CFAP299: variants seen among roughly 807,000 people sequenced by gnomAD.
CFAP299 encodes the protein cilia and flagella associated protein 299.
A neutral mutation model predicts 27.0 loss-of-function variants in CFAP299; 21 were observed. The observed-to-expected ratio is 0.78, with a 90% CI of 0.55 to 1.12. The LOEUF is 1.12. Ranked by LOEUF, CFAP299 falls within the 50% of genes most tolerant of loss-of-function variation. CFAP299 has a pLI of 0.00. For synonymous variants in CFAP299, 104 were observed against 98.1 expected (o/e 1.06, Z -0.36); for missense variants, 310 against 276.6 (o/e 1.12, Z -0.86).
At chr4:80,402,878 T>G (rs1726233152) in intron 2 of CFAP299, among the ~76,000 whole-genome samples, 1 of 152,198 alleles carries the variant, frequency 6.6e-6, no homozygotes, top group Admixed American at 6.5e-5. Context: ...TTATAAGCAC[T>G]GAGTACCACC....
At chr4:80,931,271 T>C (rs1238565162) in intron 4 of CFAP299, among the ~76,000 whole-genome samples, 1 of 152,028 alleles carries the variant, frequency 6.6e-6, no homozygotes, top group Non-Finnish European at 1.5e-5. Context: ...AATTTTCCTG[T>C]AGGCCTGCAG....
At chr4:80,795,585 G>A (rs1275118470) in intron 3 of CFAP299, among the ~76,000 whole-genome samples, 1 of 152,274 alleles carries the variant, frequency 6.6e-6, no homozygotes, top group East Asian at 1.9e-4. Flanking sequence ...AGAGTGGCAG[G>A]AGTGGAGACC....
chr4:80,667,072 C>T (rs997328682), intron 3 of CFAP299, among the ~76,000 whole-genome samples: 1 of 152,134 alleles, frequency 6.6e-6, no homozygotes, highest in Non-Finnish European at 1.5e-5. Context: ...CTGAAGAATA[C>T]AATATGTCTC....
At chr4:80,441,768 A>T (rs1465122714) in intron 2 of CFAP299, among the ~76,000 whole-genome samples, 1 of 152,222 alleles carries the variant, frequency 6.6e-6, no homozygotes, top group Non-Finnish European at 1.5e-5. Context: ...GGCAAGTTGG[A>T]TAAAGAGTCA....
At chr4:80,490,067 C>T (rs1731035899) in intron 2 of CFAP299, among the ~76,000 whole-genome samples, 1 of 152,140 alleles carries the variant, frequency 6.6e-6, no homozygotes, top group African/African-American at 2.4e-5. Flanking sequence ...GAGGCTGAGA[C>T]AACCCGCGTA....
intron 3 of CFAP299, among the ~76,000 whole-genome samples, chr4:80,679,552 T>C (rs1156300061): frequency 6.6e-6 from 1 of 152,036 alleles, no homozygotes; most frequent in Non-Finnish European, 1.5e-5. Flanking sequence ...ATGTATTAGA[T>C]ACAGTTAGTC....
Position 80,362,973 on chromosome 4 carries a change from G to A in CFAP299, c.242+89G>A, listed in dbSNP as rs1299383759. 5 of 1,398,822 alleles carry A rather than the reference G, an allele frequency of 3.6e-6. No homozygotes were observed. In the East Asian group the frequency reaches 7.4e-5, roughly 21 times the overall value. The allele number at this position is 1,398,822 out of a possible 1,614,324, so 86.7% of individuals were successfully genotyped here. On this transcript the variant is annotated intron_variant, in intron 2 of 5. Coordinates refer to ENST00000358105, the MANE Select transcript of CFAP299 (RefSeq NM_152770.3). Reference sequence around the variant, plus strand: ...TTCGTTTGCATTGTTTAATTTAGAAGCACTGGGTGGAGCAGGTAAAACTTG... The same window carrying A: ...TTCGTTTGCATTGTTTAATTTAGAAACACTGGGTGGAGCAGGTAAAACTTG...
intron 3 of CFAP299, among the ~76,000 whole-genome samples, chr4:80,735,918 CTT>C (rs1560724748): frequency 6.6e-6 from 1 of 151,904 alleles, no homozygotes; most frequent in Non-Finnish European, 1.5e-5. Flanking sequence ...GTGTCTTTTT[CTT>C]TTTTTGGTAT....
At chr4:80,464,468 CT>C (rs1163927301) in intron 2 of CFAP299, among the ~76,000 whole-genome samples, 19 of 152,102 alleles carry the variant, frequency 1.2e-4, no homozygotes, top group African/African-American at 4.6e-4. Context: ...GTTTTTAAAA[CT>C]TTGCTTCTAA....
intron 4 of CFAP299, among the ~76,000 whole-genome samples, chr4:80,883,372 GAAAGGAACAAAGAAACTAC>G (rs1367382251): frequency 6.6e-6 from 1 of 151,840 alleles, no homozygotes; most frequent in East Asian, 1.9e-4. Context: ...AAGAGAAGAA[GAAAGGAACAAAGAAACTAC>G]AAAATGTTCA....
chr4:80,817,066 T>C (rs1202206193), intron 3 of CFAP299, among the ~76,000 whole-genome samples: 1 of 152,076 alleles, frequency 6.6e-6, no homozygotes, highest in East Asian at 1.9e-4. Flanking sequence ...TCTGCCAAAA[T>C]AAGCTGCTTT....
intron 3 of CFAP299, among the ~76,000 whole-genome samples, chr4:80,666,024 A>C (rs1454175824): frequency 6.6e-6 from 1 of 152,170 alleles, no homozygotes; most frequent in East Asian, 1.9e-4. Context: ...TAAGACAATT[A>C]AACTTCTTTT....
intron 1 of CFAP299, among the ~76,000 whole-genome samples, chr4:80,353,861 A>G (rs2109987594): frequency 6.6e-6 from 1 of 152,344 alleles, no homozygotes; most frequent in South Asian, 2.1e-4. Context: ...GCAATACTTA[A>G]CAATGTTTCA....
At chr4:80,427,910 TATTA>T (rs1369247922) in intron 2 of CFAP299, among the ~76,000 whole-genome samples, 1 of 152,242 alleles carries the variant, frequency 6.6e-6, no homozygotes, top group Non-Finnish European at 1.5e-5. Context: ...AATTTTTATC[TATTA>T]ATTCACAAAT....
At chr4:80,427,439 G>C (rs1429551805) in intron 2 of CFAP299, among the ~76,000 whole-genome samples, 1 of 152,080 alleles carries the variant, frequency 6.6e-6, no homozygotes, top group Admixed American at 6.5e-5. Flanking sequence ...CCTTTTAAAA[G>C]TAGTAACAAA....
chr4:80,810,895 C>G (rs1352603461), intron 3 of CFAP299, among the ~76,000 whole-genome samples: 3 of 152,084 alleles, frequency 2.0e-5, no homozygotes, highest in Non-Finnish European at 4.4e-5. Flanking sequence ...TGCAACATCC[C>G]CTGTTCTGAA....
At chr4:80,404,817 T>A (rs149416141) in intron 2 of CFAP299, among the ~76,000 whole-genome samples, 1 of 152,298 alleles carries the variant, frequency 6.6e-6, no homozygotes, top group East Asian at 1.9e-4. Flanking sequence ...GATTGCTGTA[T>A]TATAGTATTT....
chr4:80,377,827 A>G (rs1253247576), intron 2 of CFAP299, among the ~76,000 whole-genome samples: 1 of 152,204 alleles, frequency 6.6e-6, no homozygotes, highest in Non-Finnish European at 1.5e-5. Context: ...GACTGGGAAG[A>G]AAAAGAGGTT....
At chr4:80,462,989 T>A (rs1212225599) in intron 2 of CFAP299, among the ~76,000 whole-genome samples, 1 of 152,066 alleles carries the variant, frequency 6.6e-6, no homozygotes, top group Non-Finnish European at 1.5e-5. Flanking sequence ...CAGGACTAGA[T>A]GAATACCCAA....
Sources: allele counts gnomAD v4.1 joint callset (sites outside exome capture counted in the v4.1 genomes callset), GRCh38; gene constraint gnomAD v4.1.1; transcripts MANE v1.5; gene names NCBI Gene and HGNC (gene_info 2026-07-23, HGNC 2026-07-21).